Variants in CCSER1 observed in about 807,000 individuals in gnomAD.
The protein encoded by CCSER1 is serine-rich coiled-coil domain-containing protein 1.
A neutral mutation model predicts 82.0 loss-of-function variants in CCSER1; 41 were observed. The observed-to-expected ratio is 0.50, with a 90% CI of 0.39 to 0.65. The LOEUF is 0.65. CCSER1 is among the 30% of genes least tolerant of loss of function. CCSER1 has a pLI of 0.00. For missense variants in CCSER1, 1,119 were observed against 1,064.2 expected, an observed-to-expected ratio of 1.05 and a Z score of -0.72; for synonymous variants, 414 against 383.9, an observed-to-expected ratio of 1.08 and a Z score of -0.92.
rs1748842805 is a variant in CCSER1 at position 91,356,526 on chromosome 4, T to A, written c.2218-242046T>A. 2.0e-5 allele frequency among the ~76,000 whole-genome samples: 3 copies of A among 152,118 alleles called. No individual in the cohort carries two copies. In the South Asian group the frequency reaches 6.2e-4, roughly 31 times the overall value. ...AAGGGGCTTCTCTTGCTTTACGATGTCTTATTATTATTTTTTTTCCTCTGG... is the reference window on the plus strand; with the variant it reads ...AAGGGGCTTCTCTTGCTTTACGATGACTTATTATTATTTTTTTTCCTCTGG... On this transcript the variant is annotated intron_variant, in intron 10 of 10. Coordinates refer to ENST00000509176, the MANE Select transcript of CCSER1 (RefSeq NM_001145065.2).
chr4:91,544,644 A>C (rs1761787476), intron 10 of CCSER1, among the ~76,000 whole-genome samples: 1 of 152,184 alleles, frequency 6.6e-6, no homozygotes, highest in African/African-American at 2.4e-5. Flanking sequence ...TAGAAAGGCA[A>C]GTGTTGCTGC....
intron 10 of CCSER1, among the ~76,000 whole-genome samples, chr4:91,136,863 C>G (rs1319048807): frequency 1.3e-5 from 2 of 152,064 alleles, no homozygotes; most frequent in African/African-American, 4.8e-5. Context: ...TTCATTTTTA[C>G]TGGCTATGAC....
intron 5 of CCSER1, among the ~76,000 whole-genome samples, chr4:90,588,100 G>GCCAA (rs1380952632): frequency 1.3e-5 from 2 of 152,148 alleles, no homozygotes; most frequent in East Asian, 3.8e-4. Context: ...GGCTATTGGA[G>GCCAA]GGCCTGATCT....
chr4:90,527,828 ATTGT>A (rs1773982975), intron 5 of CCSER1, among the ~76,000 whole-genome samples: 1 of 152,106 alleles, frequency 6.6e-6, no homozygotes, highest in Non-Finnish European at 1.5e-5. Flanking sequence ...AATTGATGGT[ATTGT>A]TTAAGTAGAA....
intron 1 of CCSER1, among the ~76,000 whole-genome samples, chr4:90,305,632 C>G (rs1189988110): frequency 6.6e-6 from 1 of 152,096 alleles, no homozygotes; most frequent in Non-Finnish European, 1.5e-5. Flanking sequence ...TCAAGCAAAG[C>G]CTTACAAGAA....
intron 3 of CCSER1, among the ~76,000 whole-genome samples, chr4:90,333,273 C>G (rs776758127): frequency 4.6e-5 from 7 of 152,102 alleles, no homozygotes; most frequent in African/African-American, 1.7e-4. Context: ...ATAGGGTGCT[C>G]TCTTGCCTAC....
intron 10 of CCSER1, among the ~76,000 whole-genome samples, chr4:91,570,705 A>AT (rs1763133502): frequency 6.6e-6 from 1 of 151,882 alleles, no homozygotes; most frequent in South Asian, 2.1e-4. Context: ...CCAGGAAACC[A>AT]TTTTTCCCTC....
intron 1 of CCSER1, among the ~76,000 whole-genome samples, chr4:90,161,376 T>G (rs1729405054): frequency 6.6e-6 from 1 of 152,208 alleles, no homozygotes; most frequent in South Asian, 2.1e-4. Context: ...CCATATGATT[T>G]GGATATTATT....
intron 6 of CCSER1, among the ~76,000 whole-genome samples, chr4:90,645,581 T>C (rs1464743002): frequency 6.9e-6 from 1 of 143,952 alleles, no homozygotes; most frequent in Non-Finnish European, 1.6e-5. Context: ...GTTTAAATTG[T>C]ATTATTTATT....
At chr4:90,365,934 A>G (rs1016898949) in intron 3 of CCSER1, among the ~76,000 whole-genome samples, 2 of 151,910 alleles carry the variant, frequency 1.3e-5, no homozygotes, top group African/African-American at 4.8e-5. Context: ...AATAGTATAT[A>G]GAATAACAGT....
intron 1 of CCSER1, among the ~76,000 whole-genome samples, chr4:90,266,972 G>A (rs1345983725): frequency 6.6e-6 from 1 of 151,786 alleles, no homozygotes; most frequent in Non-Finnish European, 1.5e-5. Context: ...TAAGAATAAA[G>A]GGGACTTTGT....
In CCSER1 at chr4:91,603,491, G is replaced by A. The variant is rs1378628041; in HGVS notation, c.*4434G>A. On this transcript the variant is annotated 3_prime_UTR_variant, in exon 11 of 11. Coordinates refer to ENST00000509176, the MANE Select transcript of CCSER1 (RefSeq NM_001145065.2). ...AGATGTGGAGAATTTCCTACAAATA[G>A]TTAAGGTGAAATAAAATCATTAATA... is the stretch of plus-strand genomic sequence containing the variant. 6.6e-6 allele frequency: 1 copy of A among 152,082 alleles called. No homozygotes were observed. The highest frequency in any genetic ancestry group is 1.5e-5 in the Non-Finnish European group (1 of 67,990). 9.4% of individuals were successfully genotyped at this position (152,082 alleles called of 1,614,324 possible). A position where few individuals can be genotyped will look rare whatever the true frequency, so the allele number is the denominator to read the frequency against.
chr4:91,509,734 T>A (rs548109688), intron 10 of CCSER1, among the ~76,000 whole-genome samples: 2 of 152,274 alleles, frequency 1.3e-5, no homozygotes, highest in Non-Finnish European at 2.9e-5. Context: ...AATATTAACA[T>A]AATCATTCCA....
At chr4:90,220,142 T>G (rs1270407493) in intron 1 of CCSER1, among the ~76,000 whole-genome samples, 3 of 152,152 alleles carry the variant, frequency 2.0e-5, no homozygotes, top group African/African-American at 7.2e-5. Context: ...TTGTTTTTAG[T>G]TATTTTTGTT....
At chr4:90,832,664 T>A (rs2149828808) in intron 8 of CCSER1, among the ~76,000 whole-genome samples, 1 of 152,316 alleles carries the variant, frequency 6.6e-6, no homozygotes, top group East Asian at 1.9e-4. Context: ...TTTTCCATAT[T>A]CTTATTTTAA....
intron 5 of CCSER1, among the ~76,000 whole-genome samples, chr4:90,558,505 C>T (rs1477688888): frequency 6.6e-6 from 1 of 151,890 alleles, no homozygotes; most frequent in African/African-American, 2.4e-5. Context: ...TTCAGTGATA[C>T]TTGTTTTTGT....
intron 10 of CCSER1, among the ~76,000 whole-genome samples, chr4:91,214,492 G>A (rs538397159): frequency 6.6e-5 from 10 of 152,074 alleles, no homozygotes; most frequent in African/African-American, 2.2e-4. Context: ...TGATATTCCC[G>A]AATGCTACTT....
At chr4:91,456,677 C>T (rs1756194517) in intron 10 of CCSER1, among the ~76,000 whole-genome samples, 1 of 151,912 alleles carries the variant, frequency 6.6e-6, no homozygotes, top group Non-Finnish European at 1.5e-5. Context: ...CAAACAATTC[C>T]AAGTTACCAG....
chr4:91,482,173 C>T (rs1262083726), intron 10 of CCSER1, among the ~76,000 whole-genome samples: 16 of 149,528 alleles, frequency 1.1e-4, no homozygotes, highest in African/African-American at 1.5e-4. Context: ...GAGGCTGAGG[C>T]GGGTGGATCA....
Sources: allele counts gnomAD v4.1 joint callset (sites outside exome capture counted in the v4.1 genomes callset), GRCh38; gene constraint gnomAD v4.1.1; transcripts MANE v1.5; gene names NCBI Gene and HGNC (gene_info 2026-07-23, HGNC 2026-07-21).